Variants in FRMPD4 observed in about 807,000 individuals in gnomAD.
The protein encoded by FRMPD4 is FERM and PDZ domain-containing protein 4.
FRMPD4 carries 22 observed loss-of-function variants against 94.1 expected under a neutral mutation model. The ratio of observed to expected loss-of-function variants is 0.23; its 90% confidence interval spans 0.17 to 0.33. The LOEUF (loss-of-function observed/expected upper bound fraction) is 0.33, where lower values mean the gene tolerates loss of function less well. Ranked by LOEUF, FRMPD4 falls within the 10% of genes least tolerant of loss-of-function variation. The pLI, the probability that FRMPD4 is intolerant of heterozygous loss-of-function variation, is 1.00. For missense variants in FRMPD4, 1,111 were observed against 1,339.9 expected (o/e 0.83, Z 2.67); for synonymous variants, 631 against 548.6 (o/e 1.15, Z -2.10).
At chrX:12,710,370 C>T (rs1383664408) in intron 13 of FRMPD4, 29 bp from the exon 14 acceptor site, 10 of 1,168,309 alleles carry the variant, frequency 8.6e-6, no homozygotes, top group Non-Finnish European at 1.0e-5. Flanking sequence ...GAATGGATGG[C>T]TTTAACCAAA....
intron 3 of FRMPD4, among the ~76,000 whole-genome samples, chrX:12,126,337 G>A (rs1327809483): frequency 8.9e-6 from 1 of 112,228 alleles, no homozygotes. Flanking sequence ...CCATGGAGAG[G>A]AGAATACTAC....
At chrX:12,413,967 T>C (rs1001157693) in intron 1 of FRMPD4, among the ~76,000 whole-genome samples, 1 of 112,588 alleles carries the variant, frequency 8.9e-6, no homozygotes, top group African/African-American at 3.2e-5. Flanking sequence ...TTTTTTCAAT[T>C]AAAGCCCATA....
chrX:12,249,218 G>T (rs896352141), intron 1 of FRMPD4, among the ~76,000 whole-genome samples: 1 of 112,035 alleles, frequency 8.9e-6, no homozygotes, highest in African/African-American at 3.2e-5. Flanking sequence ...TCAAAGTTTT[G>T]AATATAATAG....
chrX:12,038,703 T>C (rs2054733580), intron 3 of FRMPD4, among the ~76,000 whole-genome samples: 1 of 112,055 alleles, frequency 8.9e-6, no homozygotes, highest in Non-Finnish European at 1.9e-5. Context: ...AATTTGTCTA[T>C]GTCAACTGAT....
chrX:12,720,841 A>G lies in FRMPD4; in HGVS notation c.4272A>G (p.Ala1424=). 1.1e-6 allele frequency: 1 copy of G among 920,005 alleles called. No homozygotes were observed. Among genetic ancestry groups the G allele is most frequent in the Middle Eastern group, 3.0e-4 (1 of 3,288 alleles). The allele number at this position is 920,005 out of a possible 1,213,427, so 75.8% of individuals were successfully genotyped here. A position where few individuals can be genotyped will look rare whatever the true frequency, so the allele number is the denominator to read the frequency against. Reference sequence around the variant, plus strand: ...CCTTCCGAGAGAGAACCAAGGGTGCAGTCAGCTTAAAGTGTCCAGGCATCA... The same window carrying G: ...CCTTCCGAGAGAGAACCAAGGGTGCGGTCAGCTTAAAGTGTCCAGGCATCA... ...LETFRERTKG[A]VSLKCPGITE... is the part of the protein sequence containing the mutation. The change falls in exon 17 of 17, where the codon GCA becomes GCG. Residue 1424 remains alanine (A), a synonymous_variant. Coordinates refer to ENST00000675598, the MANE Select transcript of FRMPD4 (RefSeq NM_001368397.1).
chrX:12,490,156 C>T (rs755960045), intron 1 of FRMPD4, among the ~76,000 whole-genome samples: 1 of 111,280 alleles, frequency 9.0e-6, no homozygotes, highest in Non-Finnish European at 1.9e-5. Flanking sequence ...ATATGCAGTA[C>T]GAGACTGACC....
chrX:12,678,212 C>G (rs777163352), intron 5 of FRMPD4, among the ~76,000 whole-genome samples: 40 of 112,524 alleles, frequency 3.6e-4, no homozygotes, highest in African/African-American at 1.2e-3. Flanking sequence ...TTTCCTTAAC[C>G]AACCCCCATC....
At position 12,527,038 on chromosome X, in the gene FRMPD4, T is replaced by C. The variant is rs749492535; in HGVS notation, c.158+28242T>C. On this transcript the variant is annotated intron_variant, in intron 2 of 16. Transcript: ENST00000675598. ...TTCATCTGCTGTATCCAACCCAGTT[T>C]CATGGGTTATCATATAACCAAATCA... Among the ~76,000 whole-genome samples the C allele has an allele frequency of 5.4e-5, 6 of 112,115 alleles. No homozygotes were observed. The South Asian group carries it at 2.3e-3, about 42-fold the overall frequency.
upstream of FRMPD4, among the ~76,000 whole-genome samples, chrX:12,133,589 C>G (rs1376516325): frequency 9.0e-6 from 1 of 111,533 alleles, no homozygotes; most frequent in African/African-American, 3.3e-5. Flanking sequence ...CACGCCTGAC[C>G]GAACTAGGGT....
At chrX:12,517,823 T>A (rs939504271) in intron 2 of FRMPD4, among the ~76,000 whole-genome samples, 3 of 112,915 alleles carry the variant, frequency 2.7e-5, no homozygotes, top group Non-Finnish European at 5.6e-5. Context: ...AGTCTGCTGA[T>A]CCATGGAGAC....
intron 1 of FRMPD4, among the ~76,000 whole-genome samples, chrX:12,433,354 C>T (rs374408470): frequency 8.9e-6 from 1 of 112,160 alleles, no homozygotes; most frequent in Admixed American, 9.4e-5. Flanking sequence ...GACCTGAAAA[C>T]GTGGAAACTG....
At chrX:12,133,923 TAC>T (rs2055575589), upstream of FRMPD4, among the ~76,000 whole-genome samples, 1 of 112,492 alleles carries the variant, frequency 8.9e-6, no homozygotes, top group South Asian at 3.7e-4. Flanking sequence ...GACACTGGCC[TAC>T]TGTGCCCCAT....
intron 1 of FRMPD4, among the ~76,000 whole-genome samples, chrX:12,197,917 G>A (rs1206840202): frequency 1.8e-5 from 2 of 111,698 alleles, no homozygotes; most frequent in Non-Finnish European, 3.8e-5. Flanking sequence ...TAAACATATA[G>A]ATGTGTTTTG....
chrX:12,301,102 G>A (rs2147891225), intron 1 of FRMPD4, among the ~76,000 whole-genome samples: 1 of 111,174 alleles, frequency 9.0e-6, no homozygotes, highest in Admixed American at 9.6e-5. Context: ...AAGGGGTGGG[G>A]AGCCCTGTGG....
At chrX:12,017,777 G>A (rs1459451478) in intron 3 of FRMPD4, among the ~76,000 whole-genome samples, 3 of 111,669 alleles carry the variant, frequency 2.7e-5, no homozygotes, top group Non-Finnish European at 5.6e-5. Context: ...TATGTGGGAG[G>A]ATTAGCAGTA....
chrX:12,065,685 G>A (rs187567774), intron 3 of FRMPD4, among the ~76,000 whole-genome samples: 3 of 112,143 alleles, frequency 2.7e-5, no homozygotes, highest in Non-Finnish European at 5.6e-5. Context: ...TGATTATTTC[G>A]AACAAAGTAT....
At chrX:12,471,374 G>A (rs866796967) in intron 1 of FRMPD4, among the ~76,000 whole-genome samples, 1 of 111,949 alleles carries the variant, frequency 8.9e-6, no homozygotes, top group African/African-American at 3.2e-5. Context: ...TAAGAAGCAC[G>A]AAAAATACAC....
intron 3 of FRMPD4, among the ~76,000 whole-genome samples, chrX:12,112,711 T>C (rs1385804679): frequency 1.8e-5 from 2 of 111,881 alleles, no homozygotes; most frequent in East Asian, 5.5e-4. Flanking sequence ...TTTGATTAAA[T>C]ATAAAATATA....
chrX:12,520,414 G>C (rs2058149281), intron 2 of FRMPD4, among the ~76,000 whole-genome samples: 1 of 111,836 alleles, frequency 8.9e-6, no homozygotes, highest in Admixed American at 9.4e-5. Flanking sequence ...CTTTTGCAAA[G>C]TGAAAAAGTT....
Sources: allele counts gnomAD v4.1 joint callset (sites outside exome capture counted in the v4.1 genomes callset), GRCh38; gene constraint gnomAD v4.1.1; transcripts MANE v1.5; gene names NCBI Gene and HGNC (gene_info 2026-07-23, HGNC 2026-07-21).